COL22A1: variants seen among roughly 807,000 people sequenced by gnomAD.
COL22A1 encodes collagen alpha-1(XXII) chain.
A neutral mutation model predicts 248.9 loss-of-function variants in COL22A1; 221 were observed. The observed-to-expected ratio is 0.89, with a 90% CI of 0.80 to 0.99. The LOEUF (loss-of-function observed/expected upper bound fraction) is 0.99. COL22A1 is among the 50% of genes least tolerant of loss of function. The pLI is 0.00. For missense variants in COL22A1, 2,240 were observed against 2,179.0 expected (o/e 1.03, Z -0.56); for synonymous variants, 891 against 793.4 (o/e 1.12, Z -2.07).
intron 35 of COL22A1, among the ~76,000 whole-genome samples, chr8:138,692,930 C>CGG (rs1277463874): frequency 6.6e-6 from 1 of 152,164 alleles, no homozygotes; most frequent in Admixed American, 6.5e-5. Flanking sequence ...TCAGCACCCT[C>CGG]TACCTGGTAC....
At chr8:138,604,482 G>A (rs530360140) in intron 59 of COL22A1, among the ~76,000 whole-genome samples, 23 of 152,328 alleles carry the variant, frequency 1.5e-4, no homozygotes, top group African/African-American at 5.3e-4. Context: ...TTGATAGCTT[G>A]GATGCTGAGG....
At chr8:138,861,012 T>G (rs1359805920) in intron 3 of COL22A1, among the ~76,000 whole-genome samples, 2 of 152,262 alleles carry the variant, frequency 1.3e-5, no homozygotes, top group African/African-American at 4.8e-5. Context: ...TCATCTCTCA[T>G]GCACCTCCCC....
chr8:138,643,110 G>A (rs183764491), intron 47 of COL22A1, among the ~76,000 whole-genome samples: 472 of 152,154 alleles, frequency 3.1e-3, no homozygotes, highest in African/African-American at 0.01. Flanking sequence ...GGTTACTTAA[G>A]GATCAGTTAA....
At chr8:138,832,265 T>C (rs895186565) in intron 5 of COL22A1, among the ~76,000 whole-genome samples, 2 of 152,116 alleles carry the variant, frequency 1.3e-5, no homozygotes, top group African/African-American at 4.8e-5. Flanking sequence ...GGAGTGGCCA[T>C]TCTTTCATTT....
chr8:138,783,117 C>T (rs995663115), intron 12 of COL22A1, among the ~76,000 whole-genome samples: 2 of 152,038 alleles, frequency 1.3e-5, no homozygotes, highest in African/African-American at 4.8e-5. Flanking sequence ...AGCAAGGAAG[C>T]CTAGCAAGCA....
chr8:138,728,975 A>G (rs1276557799), intron 23 of COL22A1, among the ~76,000 whole-genome samples: 1 of 152,074 alleles, frequency 6.6e-6, no homozygotes, highest in Admixed American at 6.5e-5. Flanking sequence ...CCGTGAGCAT[A>G]ACATCCCAGG....
intron 4 of COL22A1, among the ~76,000 whole-genome samples, chr8:138,834,116 T>C (rs1820256027): frequency 6.6e-6 from 1 of 152,190 alleles, no homozygotes; most frequent in Admixed American, 6.5e-5. Context: ...ACACTCGTTC[T>C]GGAGGCTAAC....
In COL22A1 at chr8:138,679,617, C is replaced by T; in HGVS notation, c.3072G>A (p.Lys1024=). The change falls in exon 40 of 65, where the codon AAG becomes AAA. Residue 1024 remains lysine, a splice_region_variant and synonymous_variant. Coordinates refer to ENST00000303045, the MANE Select transcript of COL22A1 (RefSeq NM_152888.3). The part of the protein sequence containing the change: ...ENCALGGQCV[K]GDRGAPGIPG... ...AATGTTTGCATAGATCTTCACTGAC[C>T]TTAACACATTGCCCTCCCAGTGCAC... The T allele has an allele frequency of 1.2e-6, 2 of 1,613,810 alleles. No individual in the cohort carries two copies. Among genetic ancestry groups the T allele is most frequent in the Non-Finnish European group, 8.5e-7 (1 of 1,179,746 alleles).
chr8:138,660,883 CAT>C (rs1823803170), intron 43 of COL22A1, among the ~76,000 whole-genome samples: 1 of 64,620 alleles, frequency 1.5e-5, no homozygotes, highest in African/African-American at 3.5e-5. Flanking sequence ...CAGACACACA[CAT>C]ACACAGACAC....
chr8:138,860,376 C>T (rs920193666), intron 3 of COL22A1, among the ~76,000 whole-genome samples: 15 of 152,202 alleles, frequency 9.9e-5, no homozygotes, highest in African/African-American at 1.7e-4. Flanking sequence ...GTCACCCTGA[C>T]ATTGCACCCA....
chr8:138,821,480 G>A (rs563947802), intron 6 of COL22A1, 69 bp from the exon 7 acceptor site: 24 of 1,505,884 alleles, frequency 1.6e-5, no homozygotes, highest in South Asian at 8.6e-5. Flanking sequence ...AATGGGAAAC[G>A]GGAGTTCAGA....
intron 22 of COL22A1, among the ~76,000 whole-genome samples, chr8:138,748,535 C>G (rs1832319374): frequency 6.6e-6 from 1 of 152,180 alleles, no homozygotes; most frequent in Non-Finnish European, 1.5e-5. Context: ...CCTTCATCTG[C>G]AGAAATGGGG....
At chr8:138,647,864 C>T (rs1162236920) in intron 46 of COL22A1, among the ~76,000 whole-genome samples, 1 of 152,174 alleles carries the variant, frequency 6.6e-6, no homozygotes, top group Non-Finnish European at 1.5e-5. Context: ...CTGATCTAAA[C>T]ATCTCCCTAA....
chr8:138,737,849 G>T (rs530150076), intron 22 of COL22A1, among the ~76,000 whole-genome samples: 1 of 152,074 alleles, frequency 6.6e-6, no homozygotes, highest in East Asian at 1.9e-4. Flanking sequence ...ATACAGAAAG[G>T]TATACCCAAG....
chr8:138,859,382 G>C (rs1264031633), intron 3 of COL22A1, among the ~76,000 whole-genome samples: 4 of 152,202 alleles, frequency 2.6e-5, no homozygotes, highest in African/African-American at 4.8e-5. Flanking sequence ...CCCCTTCACT[G>C]GGCCTCAGGT....
chr8:138,631,942 C>T (rs1350463023), intron 49 of COL22A1, among the ~76,000 whole-genome samples: 2 of 152,092 alleles, frequency 1.3e-5, no homozygotes, highest in East Asian at 1.9e-4. Flanking sequence ...GGAACTAAAA[C>T]AGTACCTGGG....
intron 4 of COL22A1, 21 bp from the exon 5 acceptor site, chr8:138,833,171 G>T: frequency 1.9e-6 from 3 of 1,543,414 alleles, no homozygotes; most frequent in African/African-American, 2.7e-5. Flanking sequence ...AGAAGAGCTG[G>T]GAGTGAGTTT....
At chr8:138,817,513 A>C (rs1235283733) in intron 7 of COL22A1, among the ~76,000 whole-genome samples, 1 of 152,156 alleles carries the variant, frequency 6.6e-6, no homozygotes, top group Non-Finnish European at 1.5e-5. Flanking sequence ...CACTGAAATG[A>C]TGAGGACCCA....
At chr8:138,884,308 T>C (rs1225888462) in intron 1 of COL22A1, among the ~76,000 whole-genome samples, 1 of 152,208 alleles carries the variant, frequency 6.6e-6, no homozygotes, top group Non-Finnish European at 1.5e-5. Flanking sequence ...GCTTGATCCC[T>C]GGAGGCTGAG....
Sources: allele counts gnomAD v4.1 joint callset (sites outside exome capture counted in the v4.1 genomes callset), GRCh38; gene constraint gnomAD v4.1.1; transcripts MANE v1.5; gene names NCBI Gene and HGNC (gene_info 2026-07-23, HGNC 2026-07-21).